The following MAK16 variants were observed in gnomAD, a reference collection of about 807,000 sequenced individuals.
MAK16 encodes MAK16 homolog.
A neutral mutation model predicts 49.9 loss-of-function variants in MAK16; 12 were observed. That is an observed-to-expected ratio of 0.24 (90% CI 0.15 to 0.39). The LOEUF (loss-of-function observed/expected upper bound fraction) is 0.39. Among genes scored for constraint, MAK16 ranks in the 10% least tolerant of loss-of-function variants. MAK16 has a pLI of 1.00. For synonymous variants in MAK16, 115 were observed against 126.4 expected, an observed-to-expected ratio of 0.91 and a Z score of 0.60; for missense variants, 292 against 363.7, an observed-to-expected ratio of 0.80 and a Z score of 1.60.
chr8:33,490,981 A>G (rs376380344), intron 6 of MAK16, among the ~76,000 whole-genome samples: 30 of 152,184 alleles, frequency 2.0e-4, no homozygotes, highest in African/African-American at 7.2e-4. Context: ...CTGTATATCC[A>G]TGAGTTCAAT....
At chr8:33,485,606 G>C in intron 1 of MAK16, 1 of 313,274 alleles carries the variant, frequency 3.2e-6, no homozygotes, top group South Asian at 4.3e-5. Flanking sequence ...CCATGTGCGC[G>C]TTACTCTTCC....
chr8:33,495,928 C>T (rs190104478), intron 7 of MAK16, among the ~76,000 whole-genome samples: 1 of 151,914 alleles, frequency 6.6e-6, no homozygotes, highest in East Asian at 1.9e-4. Context: ...CTTGGCCAGG[C>T]TGGTCTTGAA....
Position 33,497,424 on chromosome 8 carries a change from G to C in MAK16, c.705+127G>C. 3 of 660,702 alleles carry C rather than the reference G, an allele frequency of 4.5e-6. No homozygotes were observed. The South Asian group carries it at 6.1e-5, about 13-fold the overall frequency. 40.9% of individuals were successfully genotyped at this position (660,702 alleles called of 1,614,324 possible). ...TGCAGCACTTTGGGAGGCCAAAATGGGAGGATTGTTTGAGCTCAGGAGTTC... is the reference window on the plus strand; with the variant it reads ...TGCAGCACTTTGGGAGGCCAAAATGCGAGGATTGTTTGAGCTCAGGAGTTC... On this transcript the variant is annotated intron_variant, in intron 9 of 9. Coordinates refer to ENST00000360128, the MANE Select transcript of MAK16 (RefSeq NM_032509.4).
At chr8:33,490,020 A>T (rs2676402) in intron 5 of MAK16, among the ~76,000 whole-genome samples, 1 of 152,146 alleles carries the variant, frequency 6.6e-6, no homozygotes, top group Non-Finnish European at 1.5e-5. Flanking sequence ...AATACATGTA[A>T]AAATATATGA....
At chr8:33,495,513 T>C in intron 6 of MAK16, 29 bp from the exon 7 acceptor site, 1 of 1,588,176 alleles carries the variant, frequency 6.3e-7, no homozygotes, top group Non-Finnish European at 8.6e-7. Context: ...ACTGATGAAT[T>C]AAACAGATTT....
At chr8:33,485,650 T>C (rs1808676187) in intron 1 of MAK16, 1 of 222,554 alleles carries the variant, frequency 4.5e-6, no homozygotes, top group Non-Finnish European at 9.2e-6. Context: ...TTCTTTACAT[T>C]TGCTCTACTT....
At chr8:33,494,041 C>G (rs1332471886) in intron 6 of MAK16, among the ~76,000 whole-genome samples, 1 of 151,994 alleles carries the variant, frequency 6.6e-6, no homozygotes, top group Non-Finnish European at 1.5e-5. Flanking sequence ...AAAAGATTGG[C>G]AAATTTGGAA....
Position 33,500,430 on chromosome 8 carries a change from T to G in MAK16, c.*1801T>G. 6.2e-7 allele frequency: 1 copy of G among 1,614,148 alleles called. No individual in the cohort carries two copies. The highest frequency in any genetic ancestry group is 8.5e-7 in the Non-Finnish European group (1 of 1,180,018). ...ACTCAGGTGTAAGGTTTGGATCCCT[T>G]GCTACATCACAAATCAGTTTCAAGA... On this transcript the variant is annotated 3_prime_UTR_variant, in exon 10 of 10. Coordinates refer to ENST00000360128, the MANE Select transcript of MAK16 (RefSeq NM_032509.4).
chr8:33,488,493 A>C (rs1458870795), intron 2 of MAK16, 27 bp from the exon 3 acceptor site: 1 of 1,613,834 alleles, frequency 6.2e-7, no homozygotes, highest in Non-Finnish European at 8.5e-7. Flanking sequence ...CCATTTTATA[A>C]TCTTTGTTTC....
intron 1 of MAK16, among the ~76,000 whole-genome samples, chr8:33,486,062 G>A (rs917561515): frequency 1.3e-5 from 2 of 152,132 alleles, no homozygotes; most frequent in African/African-American, 4.8e-5. Flanking sequence ...ATGAGAGAAT[G>A]AATATAAGGG....
At position 33,496,742 on chromosome 8, in the gene MAK16, G is replaced by A. The variant is rs1212098664; in HGVS notation, c.639+1G>A. ...AGATGATGATGATGATGATGAGGAA[G>A]TAAGTCTTGTTTTTGTTTTGCCAAA... On this transcript the variant is annotated splice_donor_variant, in intron 8 of 9. Transcript: ENST00000360128. LOFTEE classifies it high-confidence loss of function. The A allele has an allele frequency of 6.2e-7, 1 of 1,600,656 alleles. No homozygotes were observed. The highest frequency in any genetic ancestry group is 1.3e-5 in the African/African-American group (1 of 74,730).
chr8:33,488,876 C>G lies in MAK16; in HGVS notation c.240+78C>G. ...CATGCTTGACCATGATGCCCAATTC[C>G]ATGACCATTAACTTTTGAGGCCATC... On this transcript the variant is annotated intron_variant, in intron 4 of 9. Coordinates refer to ENST00000360128, the MANE Select transcript of MAK16 (RefSeq NM_032509.4). 1.9e-6 allele frequency: 3 copies of G among 1,599,048 alleles called. No individual in the cohort carries two copies. In the South Asian group the frequency reaches 3.3e-5, roughly 18 times the overall value.
At chr8:33,486,126 C>A (rs1808683325) in intron 1 of MAK16, among the ~76,000 whole-genome samples, 1 of 152,114 alleles carries the variant, frequency 6.6e-6, no homozygotes, top group African/African-American at 2.4e-5. Context: ...CTTGCCAGGG[C>A]GAGGTCATGC....
Position 33,498,700 on chromosome 8 carries a change from C to A in MAK16, c.*71C>A, listed in dbSNP as rs1231332288. ...TTTTTTTTTTTTTTTATCTTAAACACATACACACCTCCAGTTTTTGCTCTT... is the reference window on the plus strand; with the variant it reads ...TTTTTTTTTTTTTTTATCTTAAACAAATACACACCTCCAGTTTTTGCTCTT... On this transcript the variant is annotated 3_prime_UTR_variant, in exon 10 of 10. Coordinates refer to ENST00000360128, the MANE Select transcript of MAK16 (RefSeq NM_032509.4). The A allele has an allele frequency of 5.6e-6, 7 of 1,258,064 alleles. No homozygotes were observed. The highest frequency in any genetic ancestry group is 7.8e-6 in the Non-Finnish European group (7 of 901,192). The allele number at this position is 1,258,064 out of a possible 1,614,324, so 77.9% of individuals were successfully genotyped here. A position where few individuals can be genotyped will look rare whatever the true frequency, so the allele number is the denominator to read the frequency against.
chr8:33,498,177 G>T (rs1321011442), intron 9 of MAK16, among the ~76,000 whole-genome samples: 1 of 151,050 alleles, frequency 6.6e-6, no homozygotes, highest in Non-Finnish European at 1.5e-5. Flanking sequence ...GGAAGCTGAG[G>T]TGGGAGGATT....
Position 33,490,267 on chromosome 8 carries a change from A to G in MAK16, c.393-18A>G, listed in dbSNP as rs1340417874. 3.1e-6 allele frequency: 5 copies of G among 1,603,836 alleles called. No individual in the cohort carries two copies. The highest frequency in any genetic ancestry group is 1.6e-4 in the Middle Eastern group (1 of 6,066). On this transcript the variant is annotated intron_variant, in intron 5 of 9. Coordinates refer to ENST00000360128, the MANE Select transcript of MAK16 (RefSeq NM_032509.4). ...AGCACATGACAGTGGATTTTCTGAT[A>G]TATTTTCTTTCCCTTAGGAGGAAAC...
chr8:33,500,678 T>TA lies in MAK16; in HGVS notation c.*2049_*2050insA. The TA allele has an allele frequency of 1.6e-6, 1 of 610,206 alleles. No individual in the cohort carries two copies. The highest frequency in any genetic ancestry group is 3.0e-5 in the East Asian group (1 of 33,160). 37.8% of individuals were successfully genotyped at this position (610,206 alleles called of 1,614,324 possible). ...AGATTTCTTACCCTCAAGTCTCCTG[T>TA]TAGCATACTGCCTATACACACAGAC... On this transcript the variant is annotated 3_prime_UTR_variant, in exon 10 of 10. Transcript: ENST00000360128.
chr8:33,489,910 C>T lies in MAK16; in HGVS notation c.393-375C>T, dbSNP rs2676401. Reference sequence around the variant, plus strand: ...GAATGCTAAAGATGATGTCAGACTTCGACAGAAAATTCTTTTTTCTTAGTT... The same window carrying T: ...GAATGCTAAAGATGATGTCAGACTTTGACAGAAAATTCTTTTTTCTTAGTT... On this transcript the variant is annotated intron_variant, in intron 5 of 9. Transcript: ENST00000360128. The surrounding 1 kb of genome is among the most constrained non-coding windows in gnomAD (Gnocchi z 4.2). 0.022 allele frequency among the ~76,000 whole-genome samples: 3,391 copies of T among 152,212 alleles called. 61 individuals are homozygous for T. The highest frequency in any genetic ancestry group is 0.078 in the East Asian group (405 of 5,182).
rs1224365003 is a variant in MAK16, at chr8:33,499,566, A to C, written c.*937A>C. 22 of 324,762 alleles carry C rather than the reference A, an allele frequency of 6.8e-5. No homozygotes were observed. The highest frequency in any genetic ancestry group is 9.8e-5 in the Non-Finnish European group (17 of 174,114). 20.1% of individuals were successfully genotyped at this position (324,762 alleles called of 1,614,324 possible). A position where few individuals can be genotyped will look rare whatever the true frequency, so the allele number is the denominator to read the frequency against. Reference sequence around the variant, plus strand: ...AGCCAAGGCAAATTCAGTTGGATCTAGGGCTTGAAAACTGCCCAAGATTAA... The same window carrying C: ...AGCCAAGGCAAATTCAGTTGGATCTCGGGCTTGAAAACTGCCCAAGATTAA... On this transcript the variant is annotated 3_prime_UTR_variant, in exon 10 of 10. Coordinates refer to ENST00000360128, the MANE Select transcript of MAK16 (RefSeq NM_032509.4).
Sources: allele counts gnomAD v4.1 joint callset (sites outside exome capture counted in the v4.1 genomes callset), GRCh38; gene constraint gnomAD v4.1.1; non-coding constraint Gnocchi (gnomAD v3.1); transcripts MANE v1.5; gene names NCBI Gene and HGNC (gene_info 2026-07-23, HGNC 2026-07-21).